Variants in EIF2D observed in about 807,000 individuals in gnomAD.
The protein encoded by EIF2D is eukaryotic translation initiation factor 2D.
In EIF2D, 56 loss-of-function variants were observed where a neutral mutation model predicts 77.4. The ratio of observed to expected loss-of-function variants is 0.72; its 90% CI spans 0.58 to 0.90. The LOEUF (loss-of-function observed/expected upper bound fraction) is 0.90, where lower values mean the gene tolerates loss of function less well. Ranked by LOEUF, EIF2D falls within the 40% of genes least tolerant of loss-of-function variation. The pLI, the probability that EIF2D is intolerant of heterozygous loss-of-function variation, is 0.00. For missense variants in EIF2D, 574 were observed against 706.5 expected, an observed-to-expected ratio of 0.81 and a Z score of 2.13; for synonymous variants, 230 against 271.0, an observed-to-expected ratio of 0.85 and a Z score of 1.49.
chr1:206,579,746 A>G lies in EIF2D; in HGVS notation c.*254+946T>C, dbSNP rs1286856049. Among the ~76,000 whole-genome samples, 4 of 152,218 alleles carry G rather than the reference A, an allele frequency of 2.6e-5. No individual in the cohort carries two copies. The highest frequency in any genetic ancestry group is 5.9e-5 in the Non-Finnish European group (4 of 68,026). The stretch of plus-strand genomic sequence containing the variant: ...ATGAAGCCCAGGCAGCTAAGTTTCT[A>G]AAGATCCCCCAGATGATTGCACTGT... On this transcript the variant is annotated intron_variant and NMD_transcript_variant, in intron 4 of 5. Coordinates refer to the EIF2D transcript ENST00000472709. The surrounding 1 kb of genome is among the most constrained non-coding windows in gnomAD (Gnocchi z 4.2).
At position 206,599,829 on chromosome 1, in the gene EIF2D, T is replaced by C. The variant is rs1553410934; in HGVS notation, c.956A>G (p.Lys319Arg). 1 of 1,613,966 alleles carries C rather than the reference T, an allele frequency of 6.2e-7. No individual in the cohort carries two copies. Among genetic ancestry groups the C allele is most frequent in the Admixed American group, 1.7e-5 (1 of 59,980 alleles). ...CTCCTGCTGCATTTGCTGCAGGAAC[T>C]TAGAGAGCTAAGGGAGAGAGGGCCA... ...IKKSSYKKLS[K>R]FLQQMQQEQI... The change falls in exon 9 of 15, where the codon AAG becomes AGG. Residue 319 changes from lysine to arginine, a missense_variant. Lys to Arg is a conservative substitution (Grantham distance 26). Coordinates refer to ENST00000271764, the MANE Select transcript of EIF2D (RefSeq NM_006893.3). This position sits in a 1 kb window ranked among gnomAD's most constrained non-coding sequence, Gnocchi z 4.1.
At chr1:206,573,376 C>G (rs1450090528) in intron 4 of EIF2D, among the ~76,000 whole-genome samples, 6 of 152,142 alleles carry the variant, frequency 3.9e-5, no homozygotes, top group Non-Finnish European at 5.9e-5. Context: ...GAGTCAGAAG[C>G]CAAATACACA....
rs188156196 is a variant in EIF2D, at chr1:206,579,679, C to T, written c.*254+1013G>A. Among the ~76,000 whole-genome samples, 233 of 152,260 alleles carry T rather than the reference C, an allele frequency of 1.5e-3. No homozygotes were observed. Among genetic ancestry groups the T allele is most frequent in the African/African-American group, 5.2e-3 (217 of 41,526 alleles). On this transcript the variant is annotated intron_variant and NMD_transcript_variant, in intron 4 of 5. Coordinates refer to the EIF2D transcript ENST00000472709. The surrounding 1 kb of genome is among the most constrained non-coding windows in gnomAD (Gnocchi z 4.2). The stretch of plus-strand genomic sequence containing the variant: ...CTAGGAGATTTTTAAAATTCCCATG[C>T]CCAGACTGCACCCCAGACCAATTAA...
At chr1:206,600,439 C>G in intron 7 of EIF2D, 131 bp from the exon 8 acceptor site, 1 of 773,232 alleles carries the variant, frequency 1.3e-6, no homozygotes, top group Non-Finnish European at 2.1e-6. Context: ...TGCCAGAACT[C>G]TCTGCCCAGG....
intron 4 of EIF2D, among the ~76,000 whole-genome samples, chr1:206,577,123 T>C (rs1553405326): frequency 6.6e-6 from 1 of 152,142 alleles, no homozygotes; most frequent in African/African-American, 2.4e-5. Context: ...TAAATAGTTT[T>C]ACTGGAACCC....
chr1:206,595,675 C>T (rs368126844), intron 13 of EIF2D, 43 bp downstream of exon 13: 66 of 1,598,738 alleles, frequency 4.1e-5, no homozygotes, highest in Non-Finnish European at 6.0e-6. Context: ...TTGGCAAGAA[C>T]ATTAAATCAC....
intron 13 of EIF2D, chr1:206,594,943 GTATTTA>G: frequency 6.6e-6 from 1 of 152,256 alleles, no homozygotes; most frequent in Middle Eastern, 3.4e-3. Context: ...TGAGAACCAA[GTATTTA>G]TATGCCAAGT....
At chr1:206,586,590 A>C (rs1669120591) in intron 2 of EIF2D, 2 of 435,162 alleles carry the variant, frequency 4.6e-6, no homozygotes, top group East Asian at 8.2e-5. Flanking sequence ...AAATAAAAAC[A>C]TGGTTCATAG....
intron 12 of EIF2D, 138 bp from the exon 13 acceptor site, chr1:206,595,976 C>G: frequency 8.5e-7 from 1 of 1,181,902 alleles, no homozygotes; most frequent in South Asian, 1.5e-5. Flanking sequence ...TCATTCAAAT[C>G]CCTAGGGAGC....
At chr1:206,578,175 G>T (rs1394129157) in intron 4 of EIF2D, among the ~76,000 whole-genome samples, 1 of 151,852 alleles carries the variant, frequency 6.6e-6, no homozygotes, top group Non-Finnish European at 1.5e-5. Flanking sequence ...GCAGTGAGTT[G>T]TGATTGCACC....
At chr1:206,596,488 C>A (rs1669654435) in intron 12 of EIF2D, among the ~76,000 whole-genome samples, 1 of 152,144 alleles carries the variant, frequency 6.6e-6, no homozygotes, top group Non-Finnish European at 1.5e-5. Context: ...AAACAGGTGG[C>A]AGGCCAGATT....
intron 11 of EIF2D, among the ~76,000 whole-genome samples, chr1:206,597,914 C>T (rs1669730862): frequency 6.6e-6 from 1 of 152,032 alleles, no homozygotes; most frequent in Admixed American, 6.6e-5. Flanking sequence ...CATTGCACTC[C>T]AGCCTGGGCA....
intron 2 of EIF2D, chr1:206,583,137 G>A (rs1553406706): frequency 1.1e-5 from 7 of 643,394 alleles, no homozygotes; most frequent in East Asian, 8.4e-5. Context: ...CTCCGAGTCC[G>A]TGCAGTTAGT....
downstream of EIF2D, among the ~76,000 whole-genome samples, chr1:206,569,192 G>A (rs1349244496): frequency 1.3e-5 from 2 of 152,202 alleles, no homozygotes; most frequent in Admixed American, 6.5e-5. Flanking sequence ...ACGTGTATTC[G>A]CGGGAGCCTT....
Position 206,593,635 on chromosome 1 carries a change from G to A in EIF2D, c.1668C>T (p.Leu556=), listed in dbSNP as rs782557366. Residue 556 remains leucine (L), a synonymous_variant, in exon 14 of 15, where the codon CTC becomes CTT. Coordinates refer to ENST00000271764, the MANE Select transcript of EIF2D (RefSeq NM_006893.3). ...GATGCTCACCAAGCAATAGCCAGCC[G>A]AGGTGGTGGACCTGGTTTCCCTGGA... ...VQIQGNQVHH[L]GWLLLEEYQL... is the part of the protein sequence containing the mutation. 25 of 1,609,258 alleles carry A rather than the reference G, an allele frequency of 1.6e-5. No homozygotes were observed. The African/African-American group carries it at 1.6e-4, about 10-fold the overall frequency.
chr1:206,606,973 A>G (rs1445192403), intron 4 of EIF2D, among the ~76,000 whole-genome samples: 3 of 152,218 alleles, frequency 2.0e-5, no homozygotes, highest in African/African-American at 7.2e-5. Context: ...ACAATTCTGC[A>G]TTTTAGTATC....
intron 12 of EIF2D, among the ~76,000 whole-genome samples, chr1:206,596,355 T>A (rs150943809): frequency 3.7e-4 from 57 of 152,354 alleles, no homozygotes; most frequent in African/African-American, 1.2e-3. Flanking sequence ...ACAGTAAATA[T>A]TTTTGGTTTT....
rs1273148821 is a variant in EIF2D, at chr1:206,602,217, A to G, written c.902+119T>C. 26 of 722,456 alleles carry G rather than the reference A, an allele frequency of 3.6e-5. No individual in the cohort carries two copies. In the East Asian group the frequency reaches 6.7e-4, roughly 19 times the overall value. The allele number at this position is 722,456 out of a possible 1,614,324, so 44.8% of individuals were successfully genotyped here. A position where few individuals can be genotyped will look rare whatever the true frequency, so the allele number is the denominator to read the frequency against. ...TATTTGTCAGATAAGCCTTCCCTCCACTCTTTCCACAGCATGTCCCTCAAC... is the reference window on the plus strand; with the variant it reads ...TATTTGTCAGATAAGCCTTCCCTCCGCTCTTTCCACAGCATGTCCCTCAAC... On this transcript the variant is annotated intron_variant, in intron 7 of 14. Coordinates refer to ENST00000271764, the MANE Select transcript of EIF2D (RefSeq NM_006893.3).
chr1:206,591,899 T>C (rs998167339), intron 14 of EIF2D, 54 bp from the exon 15 acceptor site: 28 of 1,586,802 alleles, frequency 1.8e-5, no homozygotes, highest in Non-Finnish European at 2.4e-5. Flanking sequence ...GCTCCCCGGC[T>C]GGCCCTCCAC....
Sources: allele counts gnomAD v4.1 joint callset (sites outside exome capture counted in the v4.1 genomes callset), GRCh38; gene constraint gnomAD v4.1.1; non-coding constraint Gnocchi (gnomAD v3.1); transcripts MANE v1.5; gene names NCBI Gene and HGNC (gene_info 2026-07-23, HGNC 2026-07-21).